Variants in PDE9A observed in about 807,000 individuals in gnomAD.
PDE9A encodes the protein phosphodiesterase 9A.
In PDE9A, 60 loss-of-function variants were observed where a neutral mutation model predicts 87.4. That is an observed-to-expected ratio of 0.69 (90% CI 0.56 to 0.85). The LOEUF is 0.85. Among genes scored for constraint, PDE9A ranks in the 40% least tolerant of loss-of-function variants. The pLI, the probability that PDE9A is intolerant of heterozygous loss-of-function variation, is 0.00. For synonymous variants in PDE9A, 272 were observed against 279.4 expected, an observed-to-expected ratio of 0.97 and a Z score of 0.27; for missense variants, 665 against 779.0, an observed-to-expected ratio of 0.85 and a Z score of 1.74.
rs781511070 is a variant in PDE9A, at chr21:42,754,024, G to A, written c.770G>A (p.Arg257Gln). 1.3e-5 allele frequency: 21 copies of A among 1,613,408 alleles called. No individual in the cohort carries two copies. The highest frequency in any genetic ancestry group is 3.3e-5 in the South Asian group (3 of 91,060). ...LLSPETIEAL[R>Q]KPTFDVWLWE... is the part of the protein sequence containing the mutation. Reference sequence around the variant, plus strand: ...TCTCCAGAGACCATCGAGGCCCTGCGGAAGCCGACCTTTGACGTCTGGCTT... The same window carrying A: ...TCTCCAGAGACCATCGAGGCCCTGCAGAAGCCGACCTTTGACGTCTGGCTT... The change falls in exon 10 of 20, where the codon CGG becomes CAG. Residue 257 changes from arginine (R) to glutamine (Q), a missense_variant. By Grantham distance (43) the Arg-to-Gln change is conservative. Transcript: ENST00000291539.
At chr21:42,742,089 G>A (rs1277234652) in intron 7 of PDE9A, among the ~76,000 whole-genome samples, 1 of 152,180 alleles carries the variant, frequency 6.6e-6, no homozygotes, top group African/African-American at 2.4e-5. Context: ...TCAGCCAAGG[G>A]TAAATATCTT....
intron 1 of PDE9A, among the ~76,000 whole-genome samples, chr21:42,670,674 T>C (rs561199670): frequency 1.4e-4 from 21 of 146,130 alleles, no homozygotes; most frequent in South Asian, 2.1e-4. Context: ...CACATACACA[T>C]GCATTCACAC....
In PDE9A at chr21:42,660,273, T is replaced by G. The variant is rs1601864261; in HGVS notation, c.69+6390T>G. Among the ~76,000 whole-genome samples the G allele has an allele frequency of 6.6e-6, 1 of 152,198 alleles. No homozygotes were observed. The highest frequency in any genetic ancestry group is 2.4e-5 in the African/African-American group (1 of 41,452). ...GGGCCTGCCCCAGACAAAGCGTGTC[T>G]GCACTCCTTGGCTTTCTCCCCAGAC... On this transcript the variant is annotated intron_variant, in intron 1 of 19. Transcript: ENST00000291539. The surrounding 1 kb of genome is among the most constrained non-coding windows in gnomAD (Gnocchi z 4.7).
intron 1 of PDE9A, among the ~76,000 whole-genome samples, chr21:42,662,833 CCACCACA>C (rs1444540531): frequency 5.9e-4 from 83 of 141,800 alleles, no homozygotes; most frequent in African/African-American, 2.0e-3. Flanking sequence ...ACGCACACAC[CCACCACA>C]CACCACACAC....
At chr21:42,668,918 C>T (rs1381204882) in intron 1 of PDE9A, among the ~76,000 whole-genome samples, 1 of 148,316 alleles carries the variant, frequency 6.7e-6, no homozygotes, top group Admixed American at 6.7e-5. Context: ...ACGTCCCACG[C>T]GGGCCACATC....
At chr21:42,708,336 G>A (rs1335714728) in intron 4 of PDE9A, among the ~76,000 whole-genome samples, 1 of 152,148 alleles carries the variant, frequency 6.6e-6, no homozygotes, top group Non-Finnish European at 1.5e-5. Context: ...GGAAGCCTGC[G>A]GAATGGAAGT....
chr21:42,725,035 G>A (rs561416391), intron 4 of PDE9A, among the ~76,000 whole-genome samples: 81 of 152,284 alleles, frequency 5.3e-4, no homozygotes, highest in African/African-American at 1.9e-3. Context: ...CTCATGGCCC[G>A]GTTTCTCCCA....
At chr21:42,709,949 G>C (rs1026022980) in intron 4 of PDE9A, among the ~76,000 whole-genome samples, 1 of 152,226 alleles carries the variant, frequency 6.6e-6, no homozygotes, top group African/African-American at 2.4e-5. Flanking sequence ...TTCTTCTGTG[G>C]AGGGACATTT....
chr21:42,769,661 T>TCGTGCACACGTACAC (rs1569280341), intron 17 of PDE9A, among the ~76,000 whole-genome samples: 15 of 33,344 alleles, frequency 4.5e-4, no homozygotes, highest in African/African-American at 2.3e-3. Context: ...CAGGCACACA[T>TCGTGCACACGTACAC]AGGCACACAA....
At chr21:42,664,587 C>G (rs2145873017) in intron 1 of PDE9A, among the ~76,000 whole-genome samples, 2 of 150,908 alleles carry the variant, frequency 1.3e-5, no homozygotes, top group South Asian at 4.2e-4. Flanking sequence ...AGAGACATTT[C>G]TTTTCTGGCA....
chr21:42,740,436 CCT>C (rs1010497467), intron 7 of PDE9A, among the ~76,000 whole-genome samples: 6 of 139,728 alleles, frequency 4.3e-5, no homozygotes, highest in East Asian at 2.1e-4. Flanking sequence ...AGGGCAAGCC[CCT>C]GTCTCAAAAA....
chr21:42,761,936 C>G (rs949836582), intron 13 of PDE9A, 147 bp from the exon 14 acceptor site: 2 of 729,950 alleles, frequency 2.7e-6, no homozygotes, highest in African/African-American at 3.6e-5. Flanking sequence ...ACCTCCTGGC[C>G]AGGCCAGGGC....
intron 8 of PDE9A, among the ~76,000 whole-genome samples, chr21:42,748,736 T>A (rs572322327): frequency 4.5e-4 from 68 of 152,172 alleles, no homozygotes; most frequent in Non-Finnish European, 8.1e-4. Flanking sequence ...AGTCTTTTTT[T>A]TTACTAGTGG....
intron 1 of PDE9A, among the ~76,000 whole-genome samples, chr21:42,670,691 TCA>T (rs1049613233): frequency 6.7e-5 from 10 of 150,004 alleles, no homozygotes; most frequent in South Asian, 2.1e-4. Flanking sequence ...ACACACATGC[TCA>T]CACACTCACA....
At chr21:42,751,400 A>G (rs111387395) in intron 9 of PDE9A, among the ~76,000 whole-genome samples, 1,961 of 152,340 alleles carry the variant, frequency 0.013, 23 homozygotes, top group Middle Eastern at 0.02. Context: ...ATCCCAGACC[A>G]TACCTTCCCC....
intron 4 of PDE9A, among the ~76,000 whole-genome samples, chr21:42,726,299 G>A (rs147663369): frequency 0.012 from 1,776 of 152,050 alleles, 20 homozygotes; most frequent in Middle Eastern, 0.041. Flanking sequence ...TTCTCTGAGC[G>A]AAAATTTTCA....
intron 3 of PDE9A, among the ~76,000 whole-genome samples, chr21:42,693,089 C>G (rs1160701543): frequency 2.0e-5 from 3 of 152,330 alleles, no homozygotes; most frequent in East Asian, 3.9e-4. Flanking sequence ...ACACGGTGAC[C>G]CACGGGGCCT....
rs1345533948 is a variant in PDE9A, at chr21:42,723,846, CCCAGG to C, written c.263-7920_263-7916del. 6.6e-6 allele frequency among the ~76,000 whole-genome samples: 1 copy of C among 152,186 alleles called. No homozygotes were observed. Among genetic ancestry groups the C allele is most frequent in the Non-Finnish European group, 1.5e-5 (1 of 68,036 alleles). On this transcript the variant is annotated intron_variant, in intron 4 of 19. Transcript: ENST00000291539. The surrounding 1 kb of genome is among the most constrained non-coding windows in gnomAD (Gnocchi z 4.3). ...ATGTCCCCCTGTGAATTACCAGCAT[CCCAGG>C]CCATTGCTGGGTTTTCTTAAAACTA... is the stretch of plus-strand genomic sequence containing the variant.
chr21:42,766,940 A>G (rs540102373), intron 15 of PDE9A, among the ~76,000 whole-genome samples: 12 of 152,010 alleles, frequency 7.9e-5, no homozygotes, highest in African/African-American at 2.4e-4. Context: ...GGACAAGTGA[A>G]CCCAGCTGAA....
Sources: gnomAD v4.1 joint callset for allele counts (sites outside exome capture counted in the v4.1 genomes callset) on GRCh38, gnomAD v4.1.1 for gene constraint, Gnocchi (gnomAD v3.1) non-coding constraint, MANE v1.5 for transcripts, NCBI Gene and HGNC (gene_info 2026-07-23, HGNC 2026-07-21) for gene names.